The following SELENON variants were observed in gnomAD, a reference collection of about 807,000 sequenced individuals.
The protein encoded by SELENON is selenoprotein N, also known as selenoprotein N, 1.
SELENON carries 44 observed loss-of-function variants against 59.5 expected under a neutral mutation model. The ratio of observed to expected loss-of-function variants is 0.74; its 90% CI spans 0.58 to 0.95. The LOEUF is 0.95. Ranked by LOEUF, SELENON falls within the 40% of genes least tolerant of loss-of-function variation. The pLI, the probability that SELENON is intolerant of heterozygous loss-of-function variation, is 0.00. For synonymous variants in SELENON, 320 were observed against 305.6 expected, an observed-to-expected ratio of 1.05 and a Z score of -0.49; for missense variants, 674 against 721.4, an observed-to-expected ratio of 0.93 and a Z score of 0.75.
intron 7 of SELENON, among the ~76,000 whole-genome samples, chr1:25,810,943 C>T (rs778456056): frequency 7.9e-5 from 12 of 152,198 alleles, no homozygotes; most frequent in African/African-American, 1.4e-4. Flanking sequence ...GGACTGCTGA[C>T]CCCCGGGGGT....
chr1:25,808,619 G>A lies in SELENON; in HGVS notation c.577G>A (p.Ala193Thr). The A allele has an allele frequency of 1.2e-6, 2 of 1,613,788 alleles. No homozygotes were observed. Among genetic ancestry groups the A allele is most frequent in the Non-Finnish European group, 1.7e-6 (2 of 1,179,932 alleles). The change falls in exon 5 of 13, where the codon GCC (alanine) becomes ACC (threonine). Residue 193 changes from alanine to threonine, a missense_variant. By Grantham distance (58) the Ala-to-Thr change is moderately conservative (BLOSUM62 0). Transcript: ENST00000361547. ...CCTGTCCGGCCTCCGAAACTGGACA[G>A]CCGCCGCCTCACCAAGTGCAGTGTT...
At chr1:25,804,657 C>T (rs1323564080) in intron 3 of SELENON, among the ~76,000 whole-genome samples, 4 of 112,164 alleles carry the variant, frequency 3.6e-5, no homozygotes, top group Non-Finnish European at 5.8e-5. Context: ...CCCCCCCCCC[C>T]GCCGCAAAAA....
chr1:25,816,155 G>A lies in SELENON; in HGVS notation c.*437G>A. On this transcript the variant is annotated 3_prime_UTR_variant, in exon 13 of 13. Coordinates refer to ENST00000361547, the MANE Select transcript of SELENON (RefSeq NM_020451.3). ...GGAAACATCAAGAAGCCCCAGCCAG[G>A]AGGGGCCAGGCTGCCAAGGCGGCTC... is the stretch of plus-strand genomic sequence containing the variant. 6.0e-6 allele frequency: 1 copy of A among 166,750 alleles called. No individual in the cohort carries two copies. 10.3% of individuals were successfully genotyped at this position (166,750 alleles called of 1,614,324 possible). A position where few individuals can be genotyped will look rare whatever the true frequency, so the allele number is the denominator to read the frequency against.
intron 3 of SELENON, among the ~76,000 whole-genome samples, chr1:25,804,336 C>T (rs1177738559): frequency 6.6e-6 from 1 of 152,112 alleles, no homozygotes; most frequent in Non-Finnish European, 1.5e-5. Context: ...TGCTTTAATG[C>T]ATCATTCAGC....
chr1:25,813,827 GAT>G, intron 10 of SELENON, 52 bp from the exon 10 acceptor site: 1 of 1,416,412 alleles, frequency 7.1e-7, no homozygotes, highest in South Asian at 1.1e-5. Flanking sequence ...CCCAAAGCAA[GAT>G]TGCACCCCAG....
chr1:25,803,403 G>T (rs758920824), intron 3 of SELENON, among the ~76,000 whole-genome samples: 64 of 152,152 alleles, frequency 4.2e-4, no homozygotes, highest in Non-Finnish European at 7.6e-4. Flanking sequence ...ATCCAAGCAG[G>T]AAATAGAGCC....
intron 1 of SELENON, 53 bp from the exon 2 acceptor site, chr1:25,800,990 C>G: frequency 6.9e-7 from 1 of 1,446,108 alleles, no homozygotes; most frequent in South Asian, 1.1e-5. Flanking sequence ...CTGTTGGGGA[C>G]CAGGAGACCA....
chr1:25,815,012 G>C (rs2047998196), intron 12 of SELENON, among the ~76,000 whole-genome samples: 1 of 152,102 alleles, frequency 6.6e-6, no homozygotes, highest in Non-Finnish European at 1.5e-5. Context: ...ATGAGGCTGG[G>C]CCTGGTTGGG....
At chr1:25,814,674 A>C (rs759846195) in intron 12 of SELENON, among the ~76,000 whole-genome samples, 3 of 152,216 alleles carry the variant, frequency 2.0e-5, no homozygotes, top group Non-Finnish European at 4.4e-5. Flanking sequence ...ATAAACAAGG[A>C]GGCCCAGAAA....
chr1:25,800,708 G>C (rs995141914), intron 1 of SELENON, among the ~76,000 whole-genome samples: 5 of 152,036 alleles, frequency 3.3e-5, no homozygotes, highest in African/African-American at 9.7e-5. Flanking sequence ...GAGTCTTAAA[G>C]GGTTACTGGG....
At position 25,815,489 on chromosome 1, in the gene SELENON, G is replaced by A. The variant is rs560153726; in HGVS notation, c.1603-59G>A. 2.9e-4 allele frequency: 416 copies of A among 1,417,392 alleles called. 1 individual carries two copies. The highest frequency in any genetic ancestry group is 2.5e-3 in the African/African-American group (176 of 71,074). 87.8% of individuals were successfully genotyped at this position (1,417,392 alleles called of 1,614,324 possible). ...CCTGCTTCTCCCCATAGAAGAGAGG[G>A]CACAGGGAGCCTGGGGGCCCCCCTC... On this transcript the variant is annotated intron_variant, in intron 12 of 12. Coordinates refer to ENST00000361547, the MANE Select transcript of SELENON (RefSeq NM_020451.3).
rs1019698505 is a variant in SELENON, at chr1:25,816,326, A to C, written c.*608A>C. On this transcript the variant is annotated 3_prime_UTR_variant, in exon 13 of 13. Transcript: ENST00000361547. ...TCCATCAGAGTGGAAATCAGACGGG[A>C]CCCCCTGCAGCTTCCCTGACCACGC... 1 of 152,624 alleles carries C rather than the reference A, an allele frequency of 6.6e-6. No individual in the cohort carries two copies. Among genetic ancestry groups the C allele is most frequent in the Non-Finnish European group, 1.5e-5 (1 of 68,454 alleles). 9.5% of individuals were successfully genotyped at this position (152,624 alleles called of 1,614,324 possible).
intron 4 of SELENON, 23 bp from the exon 4 acceptor site, chr1:25,808,557 A>G: frequency 6.2e-7 from 1 of 1,611,826 alleles, no homozygotes; most frequent in Non-Finnish European, 8.5e-7. Flanking sequence ...AGATTCCTGG[A>G]GCTTTGCTTT....
In SELENON at chr1:25,807,771, C is replaced by T. The variant is rs778722565; in HGVS notation, c.538-809C>T. On this transcript the variant is annotated intron_variant, in intron 4 of 12. Coordinates refer to ENST00000361547, the MANE Select transcript of SELENON (RefSeq NM_020451.3). The surrounding 1 kb of genome is among the most constrained non-coding windows in gnomAD (Gnocchi z 4.5). ...TGAGCTCCTGCTGCCAGGGAGGTGG[C>T]GACAGAAGAGGGAATCTGCTGTTCC... Among the ~76,000 whole-genome samples the T allele has an allele frequency of 1.3e-4, 20 of 152,332 alleles. No homozygotes were observed. The highest frequency in any genetic ancestry group is 3.3e-4 in the Admixed American group (5 of 15,308).
chr1:25,805,475 C>T (rs1224761580), intron 4 of SELENON, among the ~76,000 whole-genome samples, 200 bp downstream of exon 3: 1 of 152,052 alleles, frequency 6.6e-6, no homozygotes, highest in African/African-American at 2.4e-5. Context: ...AGCTTCTGCC[C>T]CAGACTGGGG....
chr1:25,814,130 G>A lies in SELENON; in HGVS notation c.1554G>A (p.Lys518=), dbSNP rs2047990203. 6.2e-7 allele frequency: 1 copy of A among 1,614,090 alleles called. No individual in the cohort carries two copies. The highest frequency in any genetic ancestry group is 8.5e-7 in the Non-Finnish European group (1 of 1,180,032). ...AGCTGGCTGGCCTGCACCTGGAGAA[G>A]TACAGCTTCCCCGTGGAGATGATGA... The change falls in exon 12 of 13, where the codon AAG becomes AAA. Residue 518 remains lysine, a synonymous_variant. Coordinates refer to ENST00000361547, the MANE Select transcript of SELENON (RefSeq NM_020451.3).
chr1:25,809,830 T>C lies in SELENON; in HGVS notation c.1010+10T>C. 6 of 1,612,722 alleles carry C rather than the reference T, an allele frequency of 3.7e-6. No individual in the cohort carries two copies. The highest frequency in any genetic ancestry group is 5.1e-6 in the Non-Finnish European group (6 of 1,179,988). ...TCGTGCCCAACCACAGGTGGGAGCT[T>C]GACCCTGGCCCAGCCTTGGCTCCCT... On this transcript the variant is annotated intron_variant, in intron 7 of 12. Transcript: ENST00000361547.
rs1235752550 is a variant in SELENON at position 25,815,529 on chromosome 1, C to T, written c.1603-19C>T. 2.5e-6 allele frequency: 4 copies of T among 1,613,490 alleles called. No homozygotes were observed. Among genetic ancestry groups the T allele is most frequent in the Middle Eastern group, 1.6e-4 (1 of 6,080 alleles). On this transcript the variant is annotated intron_variant, in intron 12 of 12. Transcript: ENST00000361547. ...GGGCCCCCCTCCGCCCCACTTGCCT[C>T]ACCCGGCCCTTCTCCCAGGTCCATC...
At chr1:25,802,954 C>A (rs892723701) in intron 3 of SELENON, among the ~76,000 whole-genome samples, 2 of 152,202 alleles carry the variant, frequency 1.3e-5, no homozygotes, top group East Asian at 1.9e-4. Flanking sequence ...AGCGCTGTCA[C>A]TAGCCTGCTG....
Sources: allele counts gnomAD v4.1 joint callset (sites outside exome capture counted in the v4.1 genomes callset), GRCh38; gene constraint gnomAD v4.1.1; non-coding constraint Gnocchi (gnomAD v3.1); transcripts MANE v1.5; gene names NCBI Gene and HGNC (gene_info 2026-07-23, HGNC 2026-07-21).